Variants in C1QTNF9 observed in about 807,000 individuals in gnomAD.
The protein encoded by C1QTNF9 is complement C1q and tumor necrosis factor-related protein 9A.
In C1QTNF9, 6 loss-of-function variants were observed where a neutral mutation model predicts 10.1. That is an observed-to-expected ratio of 0.59 (90% confidence interval 0.32 to 1.17). The LOEUF (loss-of-function observed/expected upper bound fraction) is 1.17. C1QTNF9 is among the 50% of genes most tolerant of loss of function. The probability of loss-of-function intolerance (pLI) is 0.04; values close to 1 mark genes in which losing one functional copy is unlikely to be tolerated. For synonymous variants in C1QTNF9, 98 were observed against 163.5 expected (o/e 0.60, Z 3.06); for missense variants, 201 against 418.8 (o/e 0.48, Z 4.54).
chr13:24,316,038 T>C, exon 2 of C1QTNF9: 5 of 1,613,564 alleles, frequency 3.1e-6, no homozygotes, highest in Non-Finnish European at 4.2e-6. Flanking sequence ...GCCATTGAAA[T>C]CTGCACAGGG....
At chr13:24,314,544 G>T (rs564789434) in intron 1 of C1QTNF9, among the ~76,000 whole-genome samples, 1 of 152,166 alleles carries the variant, frequency 6.6e-6, no homozygotes, top group African/African-American at 2.4e-5. Context: ...TTAGCTAGGC[G>T]TGGTGGTGGC....
chr13:24,319,496 G>A (rs569402911), intron 3 of C1QTNF9, among the ~76,000 whole-genome samples: 29 of 152,286 alleles, frequency 1.9e-4, no homozygotes, highest in Non-Finnish European at 3.5e-4. Context: ...CCATGATCTC[G>A]TCACTGCACT....
chr13:24,313,214 T>C (rs1877902205), intron 1 of C1QTNF9, among the ~76,000 whole-genome samples: 1 of 152,228 alleles, frequency 6.6e-6, no homozygotes, highest in Non-Finnish European at 1.5e-5. Context: ...CTGAAGGTTG[T>C]CTACATGCTG....
At chr13:24,316,906 T>C (rs1192703923) in intron 2 of C1QTNF9, among the ~76,000 whole-genome samples, 5 of 152,158 alleles carry the variant, frequency 3.3e-5, no homozygotes, top group Non-Finnish European at 7.3e-5. Context: ...TGCAGAATGA[T>C]CCATCTGGGT....
Position 24,318,885 on chromosome 13 carries a change from G to A in C1QTNF9, c.229+5G>A, listed in dbSNP as rs760985100. On this transcript the variant is annotated splice_donor_5th_base_variant and intron_variant, in intron 3 of 3. Coordinates refer to ENST00000332018, the Ensembl canonical transcript of C1QTNF9. Reference sequence around the variant, plus strand: ...GTGGAGAGAAGGGAGAACGAGGTTAGTAGTTCCTATTTATGGTGCTCTAAT... The same window carrying A: ...GTGGAGAGAAGGGAGAACGAGGTTAATAGTTCCTATTTATGGTGCTCTAAT... The A allele has an allele frequency of 1.2e-6, 2 of 1,614,234 alleles. No individual in the cohort carries two copies. The highest frequency in any genetic ancestry group is 1.7e-5 in the Admixed American group (1 of 60,032).
intron 1 of C1QTNF9, among the ~76,000 whole-genome samples, chr13:24,314,493 G>A (rs746708444): frequency 3.3e-5 from 5 of 152,132 alleles, no homozygotes; most frequent in Non-Finnish European, 7.4e-5. Flanking sequence ...GACCAGCCTG[G>A]CCAGCATGGT....
At chr13:24,311,352 GA>G (rs1877815429) in intron 1 of C1QTNF9, among the ~76,000 whole-genome samples, 1 of 152,170 alleles carries the variant, frequency 6.6e-6, no homozygotes, top group African/African-American at 2.4e-5. Context: ...ATTTTGGGGG[GA>G]CTAAAAAACA....
At chr13:24,318,829 C>T (rs150781719) in exon 3 of C1QTNF9, 211 of 1,613,936 alleles carry the variant, frequency 1.3e-4, no homozygotes, top group East Asian at 8.5e-4. Context: ...AGAACCAGGA[C>T]GTCCTGGCAG....
intron 1 of C1QTNF9, 35 bp downstream of exon 1, chr13:24,309,651 A>G (rs531022599): frequency 3.9e-5 from 6 of 152,248 alleles, no homozygotes; most frequent in African/African-American, 7.2e-5. Flanking sequence ...TTTACATTCA[A>G]TTTAAGCCAT....
At position 24,315,754 on chromosome 13, in the gene C1QTNF9, C is replaced by T. The variant is rs78099216; in HGVS notation, c.-22-228C>T. 710 of 529,330 alleles carry T rather than the reference C, an allele frequency of 1.3e-3. 6 individuals carry two copies. In the East Asian group the frequency reaches 0.014, roughly 11 times the overall value. The allele number at this position is 529,330 out of a possible 1,614,324, so 32.8% of individuals were successfully genotyped here. A position where few individuals can be genotyped will look rare whatever the true frequency, so the allele number is the denominator to read the frequency against. On this transcript the variant is annotated intron_variant, in intron 1 of 3. Transcript: ENST00000332018. ...CTTAAACTTGGCTTTTTAAATTGCCCGTTCACCTTGAAGAGTGGTTCCAAT... is the reference window on the plus strand; with the variant it reads ...CTTAAACTTGGCTTTTTAAATTGCCTGTTCACCTTGAAGAGTGGTTCCAAT...
At chr13:24,316,226 C>T (rs1350621022) in intron 2 of C1QTNF9, 57 bp downstream of exon 2, 1 of 1,509,554 alleles carries the variant, frequency 6.6e-7, no homozygotes, top group African/African-American at 1.4e-5. Context: ...CCTTTCATCT[C>T]ATTCACTCAT....
exon 4 of C1QTNF9, chr13:24,321,851 T>G (rs1349439810): frequency 1.4e-6 from 2 of 1,421,888 alleles, no homozygotes; most frequent in African/African-American, 2.9e-5. Context: ...ACTTTATTAA[T>G]TCCTCCAATT....
chr13:24,320,097 G>A (rs1395552206), intron 3 of C1QTNF9, among the ~76,000 whole-genome samples: 1 of 152,084 alleles, frequency 6.6e-6, no homozygotes, highest in Non-Finnish European at 1.5e-5. Flanking sequence ...GCAGGAGAGG[G>A]CAATGCCTCG....
intron 2 of C1QTNF9, among the ~76,000 whole-genome samples, chr13:24,316,987 T>C (rs1189921594): frequency 1.3e-5 from 2 of 152,248 alleles, no homozygotes; most frequent in Non-Finnish European, 2.9e-5. Context: ...AAGATAAGTT[T>C]GTGTTTCTAA....
intron 1 of C1QTNF9, among the ~76,000 whole-genome samples, chr13:24,310,246 C>G (rs1001894793): frequency 3.9e-5 from 6 of 151,958 alleles, no homozygotes; most frequent in Non-Finnish European, 7.4e-5. Flanking sequence ...CTCCGCCTCC[C>G]GGGTTCACAC....
chr13:24,318,419 T>G (rs1201626727), intron 2 of C1QTNF9, among the ~76,000 whole-genome samples: 1 of 152,186 alleles, frequency 6.6e-6, no homozygotes, highest in East Asian at 1.9e-4. Flanking sequence ...TCAAGAGTAA[T>G]GGAAGAGAAA....
chr13:24,310,117 C>A (rs1877754424), intron 1 of C1QTNF9, among the ~76,000 whole-genome samples: 1 of 151,798 alleles, frequency 6.6e-6, no homozygotes, highest in Non-Finnish European at 1.5e-5. Context: ...TGCTCTTGAA[C>A]TCCTGACCTT....
upstream of C1QTNF9, among the ~76,000 whole-genome samples, chr13:24,307,578 C>G (rs1877646511): frequency 6.6e-6 from 1 of 152,260 alleles, no homozygotes; most frequent in South Asian, 2.1e-4. Flanking sequence ...GGCTACTGCC[C>G]ACTTTTTGTT....
chr13:24,316,283 A>C (rs879482763), intron 2 of C1QTNF9, 114 bp downstream of exon 2: 240 of 1,453,908 alleles, frequency 1.7e-4, no homozygotes, highest in East Asian at 4.0e-4. Context: ...ATCCATCCAT[A>C]CATACATCAA....
Sources: gnomAD v4.1 joint callset for allele counts (sites outside exome capture counted in the v4.1 genomes callset) on GRCh38, gnomAD v4.1.1 for gene constraint, MANE v1.5 for transcripts, NCBI Gene and HGNC (gene_info 2026-07-23, HGNC 2026-07-21) for gene names.